Variants in TSPOAP1 observed in about 807,000 individuals in gnomAD.
TSPOAP1 encodes the protein TSPO associated protein 1, also known as peripheral-type benzodiazepine receptor-associated protein 1.
A neutral mutation model predicts 197.0 loss-of-function variants in TSPOAP1; 87 were observed. That is an observed-to-expected ratio of 0.44 (90% confidence interval 0.37 to 0.53). The LOEUF is 0.53. Ranked by LOEUF, TSPOAP1 falls within the 20% of genes least tolerant of loss-of-function variation. The pLI is 0.00. For missense variants in TSPOAP1, 2,174 were observed against 2,411.3 expected (o/e 0.90, Z 2.06); for synonymous variants, 913 against 998.9 (o/e 0.91, Z 1.62).
chr17:58,311,607 C>T lies in TSPOAP1; in HGVS notation c.3045G>A (p.Arg1015=). Residue 1015 remains arginine, a synonymous_variant, in exon 18 of 32, where the codon CGG becomes CGA. Coordinates refer to ENST00000343736, the MANE Select transcript of TSPOAP1 (RefSeq NM_004758.4). ...IDAAGTSNGV[R]VTGYAIYADG... ...CAGCGTAGATGGCATAGCCTGTGAC[C>T]CGGACACCGTTGGATGTGCCAGCAG... 1 of 1,605,698 alleles carries T rather than the reference C, an allele frequency of 6.2e-7. No individual in the cohort carries two copies. Among genetic ancestry groups the T allele is most frequent in the Non-Finnish European group, 8.5e-7 (1 of 1,174,678 alleles).
intron 16 of TSPOAP1, among the ~76,000 whole-genome samples, chr17:58,314,921 G>A (rs972089098): frequency 1.3e-5 from 2 of 152,210 alleles, no homozygotes; most frequent in African/African-American, 4.8e-5. Flanking sequence ...CAGGGAATAC[G>A]GCATCTTGCC....
Position 58,323,552 on chromosome 17 carries a change from A to T in TSPOAP1, c.943-7T>A. ...CATCCTCCTGGGGCGTGGCCTGGAA[A>T]TGCCCAGGGGCAAGGGGCTGGCACC... On this transcript the variant is annotated splice_region_variant and splice_polypyrimidine_tract_variant and intron_variant, in intron 5 of 31. Coordinates refer to ENST00000343736, the MANE Select transcript of TSPOAP1 (RefSeq NM_004758.4). 1 of 1,613,416 alleles carries T rather than the reference A, an allele frequency of 6.2e-7. No individual in the cohort carries two copies. Among genetic ancestry groups the T allele is most frequent in the Non-Finnish European group, 8.5e-7 (1 of 1,179,596 alleles).
At position 58,328,378 on chromosome 17, in the gene TSPOAP1, G is replaced by A. The variant is rs939220257; in HGVS notation, c.-458C>T. ...TCTGCCCATTTCAGAGTTGCCAGTT[G>A]TTTGTGTGTGTGTGTGTGGGTGTCT... On this transcript the variant is annotated 5_prime_UTR_variant, in exon 1 of 32. Coordinates refer to ENST00000343736, the MANE Select transcript of TSPOAP1 (RefSeq NM_004758.4). This position sits in a 1 kb window ranked among gnomAD's most constrained non-coding sequence, Gnocchi z 4.3. 2.4e-5 allele frequency: 5 copies of A among 207,320 alleles called. No individual in the cohort carries two copies. The highest frequency in any genetic ancestry group is 1.1e-4 in the African/African-American group (5 of 43,648). The allele number at this position is 207,320 out of a possible 1,614,324, so 12.8% of individuals were successfully genotyped here. A position where few individuals can be genotyped will look rare whatever the true frequency, so the allele number is the denominator to read the frequency against.
intron 14 of TSPOAP1, among the ~76,000 whole-genome samples, chr17:58,316,944 T>G (rs1971256312): frequency 6.6e-6 from 1 of 152,176 alleles, no homozygotes; most frequent in Admixed American, 6.5e-5. Flanking sequence ...CGCCTATAAT[T>G]CCAGCACTTT....
In TSPOAP1 at chr17:58,323,598, A is replaced by G. The variant is rs137897847; in HGVS notation, c.943-53T>C. ...GCACCTGAGAACAGGGCCCCAGGGC[A>G]GCCTGCCCCAGCCCAGCCTGCCCAG... On this transcript the variant is annotated intron_variant, in intron 5 of 31. Transcript: ENST00000343736. The G allele has an allele frequency of 2.2e-4, 341 of 1,576,240 alleles. 1 individual carries two copies. In the East Asian group the frequency reaches 6.8e-3, roughly 32 times the overall value.
chr17:58,321,067 C>G (rs954582173), intron 10 of TSPOAP1, among the ~76,000 whole-genome samples: 1 of 152,138 alleles, frequency 6.6e-6, no homozygotes, highest in African/African-American at 2.4e-5. Flanking sequence ...ACCCATAACC[C>G]CAGGCTCATG....
At chr17:58,319,028 C>G in intron 13 of TSPOAP1, 62 bp downstream of exon 13, 1 of 1,433,710 alleles carries the variant, frequency 7.0e-7, no homozygotes, top group Non-Finnish European at 9.2e-7. Context: ...CCTGAACTCC[C>G]TGCTCTATCC....
intron 12 of TSPOAP1, 126 bp downstream of exon 12, chr17:58,319,983 T>G: frequency 7.8e-7 from 1 of 1,288,414 alleles, no homozygotes. Context: ...CCCTATGGAT[T>G]CTCATGCCTG....
At chr17:58,319,586 T>C (rs1971339028) in intron 12 of TSPOAP1, among the ~76,000 whole-genome samples, 1 of 152,230 alleles carries the variant, frequency 6.6e-6, no homozygotes, top group African/African-American at 2.4e-5. Flanking sequence ...CCTCTGCCTC[T>C]GGCTGCTTTC....
Position 58,309,276 on chromosome 17 carries a change from G to A in TSPOAP1, c.3996C>T (p.Ile1332=). The change falls in exon 22 of 32, where the codon ATC becomes ATT. Residue 1332 remains isoleucine (I), a synonymous_variant. Transcript: ENST00000343736. This position sits in a 1 kb window ranked among gnomAD's most constrained non-coding sequence, Gnocchi z 5.0. ...QQFCSKKLFS[I]PEEEEEEEED... The stretch of plus-strand genomic sequence containing the variant: ...CCTCTTCCTCTTCCTCCTCCTCCGG[G>A]ATGCTAAAGAGCTTCTTGCTACAGA... 1 of 1,613,240 alleles carries A rather than the reference G, an allele frequency of 6.2e-7. No individual in the cohort carries two copies. Among genetic ancestry groups the A allele is most frequent in the South Asian group, 1.1e-5 (1 of 91,074 alleles).
chr17:58,323,251 C>T (rs770130661), intron 7 of TSPOAP1, 47 bp downstream of exon 7: 25 of 1,608,556 alleles, frequency 1.6e-5, no homozygotes, highest in Non-Finnish European at 2.0e-5. Flanking sequence ...CCTGGCTGGC[C>T]GGGGTGAAGG....
chr17:58,326,451 T>G lies in TSPOAP1; in HGVS notation c.442-30A>C. ...CAAGGGGTCAGGCAGAATTGGGGCA[T>G]GTAGGGAGCACCCCACAGACCCAGT... On this transcript the variant is annotated intron_variant, in intron 2 of 31. Coordinates refer to ENST00000343736, the MANE Select transcript of TSPOAP1 (RefSeq NM_004758.4). This position sits in a 1 kb window ranked among gnomAD's most constrained non-coding sequence, Gnocchi z 4.7. 2 of 1,611,432 alleles carry G rather than the reference T, an allele frequency of 1.2e-6. No homozygotes were observed. The highest frequency in any genetic ancestry group is 8.5e-7 in the Non-Finnish European group (1 of 1,179,274).
chr17:58,314,392 G>A (rs1387400285), intron 16 of TSPOAP1, among the ~76,000 whole-genome samples: 1 of 152,224 alleles, frequency 6.6e-6, no homozygotes, highest in Non-Finnish European at 1.5e-5. Flanking sequence ...TAAGGATCTT[G>A]AGATGAGATC....
chr17:58,309,018 G>A lies in TSPOAP1; in HGVS notation c.4254C>T (p.Arg1418=). ...GGGSPEKPPS[R]RRPPDPREHC... is the part of the protein sequence containing the mutation. ...GTTCTCGGGGATCTGGAGGCCGCCTGCGGCTTGGGGGCTTCTCAGGGGAGC... is the reference window on the plus strand; with the variant it reads ...GTTCTCGGGGATCTGGAGGCCGCCTACGGCTTGGGGGCTTCTCAGGGGAGC... Residue 1418 remains arginine, a synonymous_variant, in exon 22 of 32, where the codon CGC becomes CGT. Coordinates refer to ENST00000343736, the MANE Select transcript of TSPOAP1 (RefSeq NM_004758.4). The surrounding 1 kb of genome is among the most constrained non-coding windows in gnomAD (Gnocchi z 5.0). 1 of 1,607,166 alleles carries A rather than the reference G, an allele frequency of 6.2e-7. No individual in the cohort carries two copies. The highest frequency in any genetic ancestry group is 8.5e-7 in the Non-Finnish European group (1 of 1,177,480).
Position 58,326,566 on chromosome 17 carries a change from G to A in TSPOAP1, c.441+117C>T. Reference sequence around the variant, plus strand: ...AGGGGTTCACCCTCTCTGGGTCTCAGGATTTTGTCACCTCCATTGAGCCCC... The same window carrying A: ...AGGGGTTCACCCTCTCTGGGTCTCAAGATTTTGTCACCTCCATTGAGCCCC... On this transcript the variant is annotated intron_variant, in intron 2 of 31. Transcript: ENST00000343736. This position sits in a 1 kb window ranked among gnomAD's most constrained non-coding sequence, Gnocchi z 4.7. 6.5e-7 allele frequency: 1 copy of A among 1,532,890 alleles called. No individual in the cohort carries two copies. The highest frequency in any genetic ancestry group is 2.3e-5 in the East Asian group (1 of 44,156). 95.0% of individuals were successfully genotyped at this position (1,532,890 alleles called of 1,614,324 possible). A position where few individuals can be genotyped will look rare whatever the true frequency, so the allele number is the denominator to read the frequency against.
chr17:58,305,559 G>C lies in TSPOAP1; in HGVS notation c.5342C>G (p.Ser1781Cys). ...CCTCACCTCCACGTCCATATTGGGG[G>C]AACTCTCCTGGGGGTTGTAGTCAAA... Reference protein sequence around the residue: ...AAFDYNPQESSPNMDVEAELP... With the variant: ...AAFDYNPQESCPNMDVEAELP... The change falls in exon 28 of 32, where the codon TCC becomes TGC. Residue 1781 changes from serine to cysteine, a missense_variant. Around this residue, in one of 5 missense-constraint regions of TSPOAP1, gnomAD observed 161 missense variants for 159.1 expected, o/e 1.01. Coordinates refer to ENST00000343736, the MANE Select transcript of TSPOAP1 (RefSeq NM_004758.4). 6.3e-7 allele frequency: 1 copy of C among 1,599,830 alleles called. No homozygotes were observed. Among genetic ancestry groups the C allele is most frequent in the Non-Finnish European group, 8.5e-7 (1 of 1,173,264 alleles).
At position 58,326,212 on chromosome 17, in the gene TSPOAP1, C is replaced by A; in HGVS notation, c.570+81G>T. 1 of 1,576,396 alleles carries A rather than the reference C, an allele frequency of 6.3e-7. No homozygotes were observed. The highest frequency in any genetic ancestry group is 8.6e-7 in the Non-Finnish European group (1 of 1,162,228). ...CTGAGCTGAGACCGTGACTCCCAAG[C>A]TTCAGACAGCCCTCAGGCCCAGCCC... is the stretch of plus-strand genomic sequence containing the variant. On this transcript the variant is annotated intron_variant, in intron 3 of 31. Coordinates refer to ENST00000343736, the MANE Select transcript of TSPOAP1 (RefSeq NM_004758.4). The surrounding 1 kb of genome is among the most constrained non-coding windows in gnomAD (Gnocchi z 4.7).
In TSPOAP1 at chr17:58,322,788, G is replaced by C; in HGVS notation, c.1195-12C>G. On this transcript the variant is annotated splice_polypyrimidine_tract_variant and intron_variant, in intron 8 of 31. Transcript: ENST00000343736. This position sits in a 1 kb window ranked among gnomAD's most constrained non-coding sequence, Gnocchi z 5.0. ...TTCTCCCACTCCACCTGGCGAGGGG[G>C]CAGTGACAGGGAGTTGGGTGGGTGA... The C allele has an allele frequency of 6.2e-7, 1 of 1,612,210 alleles. No individual in the cohort carries two copies. The highest frequency in any genetic ancestry group is 8.5e-7 in the Non-Finnish European group (1 of 1,179,790).
chr17:58,305,219 C>A, intron 29 of TSPOAP1, 48 bp from the exon 30 acceptor site: 1 of 1,527,642 alleles, frequency 6.5e-7, no homozygotes, highest in Non-Finnish European at 9.1e-7. Context: ...GAGGCTCTGG[C>A]CCTGCCCCTC....
Sources: gnomAD v4.1 joint callset for allele counts (sites outside exome capture counted in the v4.1 genomes callset) on GRCh38, gnomAD v4.1.1 for gene constraint, gnomAD v4.1.1 regional missense constraint, Gnocchi (gnomAD v3.1) non-coding constraint, MANE v1.5 for transcripts, NCBI Gene and HGNC (gene_info 2026-07-23, HGNC 2026-07-21) for gene names.